Variants in MYT1L observed in about 807,000 individuals in gnomAD.
MYT1L encodes myelin transcription factor 1-like protein.
A neutral mutation model predicts 126.7 loss-of-function variants in MYT1L; 12 were observed. That is an observed-to-expected ratio of 0.09 (90% CI 0.06 to 0.15). The LOEUF (loss-of-function observed/expected upper bound fraction) is 0.15. Among genes scored for constraint, MYT1L ranks in the 10% least tolerant of loss-of-function variants. The pLI is 1.00. For missense variants in MYT1L, 979 were observed against 1,585.2 expected, an observed-to-expected ratio of 0.62 and a Z score of 6.49; for synonymous variants, 541 against 604.2, an observed-to-expected ratio of 0.90 and a Z score of 1.53.
chr2:2,107,351 G>T (rs1242686321), intron 3 of MYT1L, among the ~76,000 whole-genome samples: 1 of 152,192 alleles, frequency 6.6e-6, no homozygotes, highest in African/African-American at 2.4e-5. Flanking sequence ...TTGGAACACT[G>T]CCACAGCTGT....
intron 18 of MYT1L, among the ~76,000 whole-genome samples, chr2:1,864,241 G>C (rs922254642): frequency 4.6e-5 from 7 of 152,136 alleles, no homozygotes; most frequent in African/African-American, 7.2e-5. Flanking sequence ...TGTGGTTTGA[G>C]GTCCTCCCCA....
chr2:1,842,951 C>CCGCTTCCAGGCGCTTG (rs2041995929), intron 19 of MYT1L: 1 of 165,972 alleles, frequency 6.0e-6, no homozygotes, highest in Non-Finnish European at 1.2e-5. Context: ...CCAGGCGCTT[C>CCGCTTCCAGGCGCTTG]CGCTTCCAGG....
At chr2:2,084,750 G>A (rs939400776) in intron 3 of MYT1L, among the ~76,000 whole-genome samples, 1 of 152,182 alleles carries the variant, frequency 6.6e-6, no homozygotes, top group African/African-American at 2.4e-5. Context: ...TACTAAATGA[G>A]TTATTTTAGG....
chr2:2,129,884 C>G (rs1298267416), intron 3 of MYT1L, among the ~76,000 whole-genome samples: 3 of 143,908 alleles, frequency 2.1e-5, no homozygotes, highest in African/African-American at 7.9e-5. Flanking sequence ...CCTGCCTGGG[C>G]GACAGAGCGA....
intron 2 of MYT1L, among the ~76,000 whole-genome samples, chr2:2,261,123 G>T (rs749813060): frequency 1.0e-4 from 15 of 146,866 alleles, no homozygotes; most frequent in Non-Finnish European, 1.9e-4. Context: ...CCCTGCTGGG[G>T]TGCATGTGTG....
intron 4 of MYT1L, among the ~76,000 whole-genome samples, chr2:2,008,440 G>C (rs924397047): frequency 2.6e-5 from 4 of 152,248 alleles, no homozygotes; most frequent in Non-Finnish European, 5.9e-5. Flanking sequence ...GAGGAGTGAT[G>C]CTGAACACCT....
chr2:1,903,096 G>T lies in MYT1L; in HGVS notation c.2016C>A (p.Pro672=). The T allele has an allele frequency of 1.2e-6, 2 of 1,613,304 alleles. No individual in the cohort carries two copies. Among genetic ancestry groups the T allele is most frequent in the Non-Finnish European group, 1.7e-6 (2 of 1,179,304 alleles). ...APKVQTRDIS[P]KGYDDAKRYC... is the part of the protein sequence containing the mutation. ...ACCTCCTACCATCATCATATCCTTT[G>T]GGGGATATATCCCTGGTTTGCACCT... Residue 672 remains proline, a synonymous_variant, in exon 14 of 25, where the codon CCC becomes CCA. Coordinates refer to ENST00000647738, the MANE Select transcript of MYT1L (RefSeq NM_001303052.2).
intron 21 of MYT1L, among the ~76,000 whole-genome samples, chr2:1,838,036 C>T (rs539420828): frequency 2.0e-5 from 3 of 151,962 alleles, no homozygotes; most frequent in South Asian, 2.1e-4. Context: ...CTCAGCCTCC[C>T]GAGTAGCTGG....
chr2:1,930,492 A>T (rs188043007), intron 9 of MYT1L, among the ~76,000 whole-genome samples: 109 of 152,216 alleles, frequency 7.2e-4, no homozygotes, highest in African/African-American at 2.6e-3. Context: ...CCTCCCTGCA[A>T]TCACAACGCT....
chr2:2,180,768 CTGTATT>C (rs2091366560), intron 2 of MYT1L, among the ~76,000 whole-genome samples: 1 of 144,506 alleles, frequency 6.9e-6, no homozygotes, highest in African/African-American at 2.6e-5. Context: ...GTACCTGTAC[CTGTATT>C]TGTACCTGTG....
chr2:2,134,865 C>T (rs1217710811), intron 3 of MYT1L, among the ~76,000 whole-genome samples: 1 of 152,172 alleles, frequency 6.6e-6, no homozygotes, highest in African/African-American at 2.4e-5. Flanking sequence ...GAGGGCACCA[C>T]CCACCTCCTA....
chr2:2,292,406 T>C (rs1197660006), intron 1 of MYT1L, among the ~76,000 whole-genome samples: 2 of 152,250 alleles, frequency 1.3e-5, no homozygotes, highest in African/African-American at 2.4e-5. Context: ...TACGGTTGGC[T>C]ATGGAAAGAA....
At chr2:2,001,298 C>A (rs762465089) in intron 4 of MYT1L, among the ~76,000 whole-genome samples, 42 of 62,306 alleles carry the variant, frequency 6.7e-4, no homozygotes, top group Non-Finnish European at 1.5e-4. Flanking sequence ...GGAAGGTTTT[C>A]TAAAATTTAC....
intron 5 of MYT1L, among the ~76,000 whole-genome samples, chr2:1,993,190 A>G (rs752525357): frequency 6.6e-6 from 1 of 152,220 alleles, no homozygotes; most frequent in African/African-American, 2.4e-5. Flanking sequence ...CTCTATTGCA[A>G]TTCCCCCGTC....
intron 8 of MYT1L, among the ~76,000 whole-genome samples, chr2:1,961,761 T>C (rs1178676885): frequency 6.6e-6 from 1 of 152,236 alleles, no homozygotes; most frequent in Non-Finnish European, 1.5e-5. Flanking sequence ...TTCCAAACAC[T>C]GCAATGAAGT....
At chr2:2,320,005 T>C (rs2096133828) in intron 1 of MYT1L, among the ~76,000 whole-genome samples, 1 of 152,140 alleles carries the variant, frequency 6.6e-6, no homozygotes, top group African/African-American at 2.4e-5. Flanking sequence ...AAGAGGACAG[T>C]GAGGAGAGCC....
At chr2:1,894,312 T>G (rs2148893946) in intron 14 of MYT1L, among the ~76,000 whole-genome samples, 1 of 152,232 alleles carries the variant, frequency 6.6e-6, no homozygotes, top group East Asian at 1.9e-4. Context: ...CACCAGGGCC[T>G]TTGAGAGAGA....
intron 3 of MYT1L, among the ~76,000 whole-genome samples, chr2:2,106,377 C>T (rs931488878): frequency 2.0e-5 from 3 of 151,900 alleles, no homozygotes; most frequent in Non-Finnish European, 4.4e-5. Flanking sequence ...TGTAGGAGGC[C>T]GAATCACTTG....
At chr2:1,987,775 T>C (rs1334930927) in intron 5 of MYT1L, among the ~76,000 whole-genome samples, 1 of 152,158 alleles carries the variant, frequency 6.6e-6, no homozygotes, top group Non-Finnish European at 1.5e-5. Context: ...CAGACCTCAG[T>C]TGATGCTTCT....
Sources: allele counts gnomAD v4.1 joint callset (sites outside exome capture counted in the v4.1 genomes callset), GRCh38; gene constraint gnomAD v4.1.1; transcripts MANE v1.5; gene names NCBI Gene and HGNC (gene_info 2026-07-23, HGNC 2026-07-21).